The following EBF2 variants were observed in gnomAD, a reference collection of about 807,000 sequenced individuals.
EBF2 encodes EBF transcription factor 2.
EBF2 carries 21 observed loss-of-function variants against 72.8 expected under a neutral mutation model. The observed-to-expected ratio is 0.29, with a 90% CI of 0.20 to 0.42. The LOEUF (loss-of-function observed/expected upper bound fraction) is 0.42, where lower values mean the gene tolerates loss of function less well. EBF2 is among the 10% of genes least tolerant of loss of function. The pLI is 1.00. For missense variants in EBF2, 637 were observed against 731.2 expected, an observed-to-expected ratio of 0.87 and a Z score of 1.49; for synonymous variants, 299 against 274.2, an observed-to-expected ratio of 1.09 and a Z score of -0.89.
intron 6 of EBF2, among the ~76,000 whole-genome samples, chr8:25,972,188 G>A (rs1313148069): frequency 2.6e-5 from 4 of 152,122 alleles, no homozygotes; most frequent in South Asian, 4.2e-4. Context: ...CAGGCCTCAC[G>A]TCAGACAGGC....
chr8:25,902,992 A>G (rs1802979461), intron 7 of EBF2, among the ~76,000 whole-genome samples: 1 of 152,202 alleles, frequency 6.6e-6, no homozygotes, highest in East Asian at 1.9e-4. Context: ...TGGCCTTCTC[A>G]GCCATGCCTT....
At chr8:25,924,075 G>A (rs1803346900) in intron 6 of EBF2, among the ~76,000 whole-genome samples, 1 of 152,164 alleles carries the variant, frequency 6.6e-6, no homozygotes, top group Admixed American at 6.5e-5. Context: ...AAACTTAAGA[G>A]GAAGGCACTC....
In EBF2 at chr8:25,861,387, C is replaced by A. The variant is rs377660323; in HGVS notation, c.1099-13G>T. 27 of 1,613,926 alleles carry A rather than the reference C, an allele frequency of 1.7e-5. No individual in the cohort carries two copies. In the African/African-American group the frequency reaches 3.3e-4, roughly 20 times the overall value. ...TCAACAGCATCTCCTGGAAAATAAG[C>A]GAGGATGGGATATTGTCAAAGGCAA... On this transcript the variant is annotated splice_polypyrimidine_tract_variant and intron_variant, in intron 11 of 15. Coordinates refer to ENST00000520164, the MANE Select transcript of EBF2 (RefSeq NM_022659.4).
chr8:25,948,319 C>G (rs1018840553), intron 6 of EBF2, among the ~76,000 whole-genome samples: 11 of 152,180 alleles, frequency 7.2e-5, no homozygotes, highest in African/African-American at 2.2e-4. Context: ...GGAGAGCAGG[C>G]CTCATTTCTC....
chr8:25,937,995 G>GA (rs917873986), intron 6 of EBF2, among the ~76,000 whole-genome samples: 2 of 151,938 alleles, frequency 1.3e-5, no homozygotes, highest in East Asian at 1.9e-4. Context: ...AAAAAAGGAA[G>GA]AAAAAAAGCA....
chr8:25,970,738 C>T (rs1804177856), intron 6 of EBF2, among the ~76,000 whole-genome samples: 1 of 152,214 alleles, frequency 6.6e-6, no homozygotes, highest in Non-Finnish European at 1.5e-5. Context: ...TCACCCCTTA[C>T]TTCCCTGTGC....
chr8:25,890,385 G>A (rs1009220755), intron 7 of EBF2, among the ~76,000 whole-genome samples: 6 of 152,160 alleles, frequency 3.9e-5, no homozygotes, highest in Non-Finnish European at 7.3e-5. Flanking sequence ...GCGATGCCTC[G>A]ACTTTTGCTG....
chr8:26,034,223 C>A (rs1805457370), intron 5 of EBF2, among the ~76,000 whole-genome samples: 2 of 152,144 alleles, frequency 1.3e-5, no homozygotes, highest in African/African-American at 2.4e-5. Flanking sequence ...TGTAGGAAGA[C>A]CAGAACTATG....
intron 15 of EBF2, 80 bp from the exon 16 acceptor site, chr8:25,844,720 G>A: frequency 1.3e-6 from 2 of 1,534,596 alleles, no homozygotes; most frequent in Non-Finnish European, 9.0e-7. Flanking sequence ...AGGGGCAGGG[G>A]ATGGGAATGA....
intron 10 of EBF2, among the ~76,000 whole-genome samples, chr8:25,869,703 A>T (rs1802398468): frequency 6.6e-6 from 1 of 152,128 alleles, no homozygotes; most frequent in Non-Finnish European, 1.5e-5. Flanking sequence ...TAATGTCAGC[A>T]ATTTGGGAAG....
chr8:25,991,437 T>C (rs1384744043), intron 6 of EBF2, among the ~76,000 whole-genome samples: 1 of 152,186 alleles, frequency 6.6e-6, no homozygotes, highest in African/African-American at 2.4e-5. Context: ...TTATAGATGG[T>C]CTCACTTTCT....
chr8:25,859,613 A>T (rs529421415), intron 13 of EBF2, among the ~76,000 whole-genome samples: 1 of 152,298 alleles, frequency 6.6e-6, no homozygotes, highest in African/African-American at 2.4e-5. Flanking sequence ...TGTCTCTAAA[A>T]CTATATAGGA....
At chr8:25,989,955 G>A (rs781661854) in intron 6 of EBF2, among the ~76,000 whole-genome samples, 2 of 152,124 alleles carry the variant, frequency 1.3e-5, no homozygotes, top group Admixed American at 6.5e-5. Context: ...AGCTGCATTA[G>A]GATTGGCTTG....
chr8:25,879,426 G>GGTC (rs1802570378), intron 10 of EBF2, among the ~76,000 whole-genome samples: 1 of 152,064 alleles, frequency 6.6e-6, no homozygotes, highest in African/African-American at 2.4e-5. Context: ...AGAATTGCTG[G>GGTC]GTCAAAGGGC....
intron 13 of EBF2, among the ~76,000 whole-genome samples, chr8:25,858,935 A>G (rs1010226659): frequency 6.6e-6 from 1 of 152,042 alleles, no homozygotes; most frequent in Admixed American, 6.6e-5. Flanking sequence ...CTGGGATTAC[A>G]GGTGTGAGCC....
intron 6 of EBF2, among the ~76,000 whole-genome samples, chr8:26,028,433 C>T (rs182596442): frequency 2.8e-4 from 42 of 152,330 alleles, no homozygotes; most frequent in Admixed American, 1.6e-3. Flanking sequence ...CCTACCAGTA[C>T]GCACATGGGT....
chr8:25,902,376 GGAGGGCA>G (rs1802968521), intron 7 of EBF2, among the ~76,000 whole-genome samples: 1 of 152,114 alleles, frequency 6.6e-6, no homozygotes, highest in Non-Finnish European at 1.5e-5. Flanking sequence ...TCCATTTCAA[GGAGGGCA>G]GAAGTGATTT....
rs1340957416 is a variant in EBF2 at position 26,009,823 on chromosome 8, AATCTCAC to A, written c.551+23255_551+23261del. On this transcript the variant is annotated intron_variant, in intron 6 of 15. Transcript: ENST00000520164. ...ATTCAGTGACTGGCTTCATTTCATG[AATCTCAC>A]ATAAATATCTGAGGAGACTGCTGAC... Among the ~76,000 whole-genome samples, 3 of 152,216 alleles carry A rather than the reference AATCTCAC, an allele frequency of 2.0e-5. No homozygotes were observed. The East Asian group carries it at 5.8e-4, about 29-fold the overall frequency.
chr8:25,910,672 A>G (rs17235301), intron 6 of EBF2, among the ~76,000 whole-genome samples: 35,089 of 152,082 alleles, frequency 0.23, 4,634 homozygotes, highest in Middle Eastern at 0.38. Context: ...ATTTTAAATT[A>G]GGACCCTTAA....
Sources: gnomAD v4.1 joint callset for allele counts (sites outside exome capture counted in the v4.1 genomes callset) on GRCh38, gnomAD v4.1.1 for gene constraint, MANE v1.5 for transcripts, NCBI Gene and HGNC (gene_info 2026-07-23, HGNC 2026-07-21) for gene names.